The following MOSPD2 variants were observed in gnomAD, a reference collection of about 807,000 sequenced individuals.
The protein encoded by MOSPD2 is motile sperm domain-containing protein 2.
MOSPD2 carries 5 observed loss-of-function variants against 41.7 expected under a neutral mutation model. The ratio of observed to expected loss-of-function variants is 0.12; its 90% confidence interval spans 0.06 to 0.25. The LOEUF (loss-of-function observed/expected upper bound fraction) is 0.25. Ranked by LOEUF, MOSPD2 falls within the 10% of genes least tolerant of loss-of-function variation. MOSPD2 has a pLI of 1.00. For missense variants in MOSPD2, 282 were observed against 375.2 expected, an observed-to-expected ratio of 0.75 and a Z score of 2.05; for synonymous variants, 115 against 126.9, an observed-to-expected ratio of 0.91 and a Z score of 0.63.
intron 6 of MOSPD2, among the ~76,000 whole-genome samples, chrX:14,901,221 A>G (rs191405456): frequency 8.9e-6 from 1 of 111,742 alleles, no homozygotes; most frequent in Non-Finnish European, 1.9e-5. Flanking sequence ...TAAACCTTAT[A>G]TAGTCCATTT....
Position 14,921,353 on chromosome X carries a change from GTCTTAATTTGGGCTTT to G in MOSPD2, c.*1548_*1563del. 1.1e-6 allele frequency: 1 copy of G among 937,051 alleles called. No individual in the cohort carries two copies. 77.2% of individuals were successfully genotyped at this position (937,051 alleles called of 1,213,427 possible). A position where few individuals can be genotyped will look rare whatever the true frequency, so the allele number is the denominator to read the frequency against. Reference sequence around the variant, plus strand: ...TAAAAGGACACTGGTGTGCTACTTTGTCTTAATTTGGGCTTTTCTGTTTCAGTTTGCCACCTCCAGC... The same window carrying G: ...TAAAAGGACACTGGTGTGCTACTTTGTCTGTTTCAGTTTGCCACCTCCAGC... On this transcript the variant is annotated 3_prime_UTR_variant, in exon 15 of 15. Transcript: ENST00000380492.
chrX:14,890,708 A>G (rs950953083), intron 2 of MOSPD2, among the ~76,000 whole-genome samples: 1 of 111,721 alleles, frequency 9.0e-6, no homozygotes, highest in Non-Finnish European at 1.9e-5. Flanking sequence ...CTTAAAGATA[A>G]GGAAATTGAG....
In MOSPD2 at chrX:14,921,076, C is replaced by T; in HGVS notation, c.*1267C>T. ...CACCTTGCAGTAGCAGAGGCAATGA[C>T]ATGAGTTTGTTTTCTCATTAATATG... On this transcript the variant is annotated 3_prime_UTR_variant, in exon 15 of 15. Coordinates refer to ENST00000380492, the MANE Select transcript of MOSPD2 (RefSeq NM_152581.4). The T allele has an allele frequency of 1.3e-6, 1 of 794,542 alleles. No individual in the cohort carries two copies. The highest frequency in any genetic ancestry group is 1.5e-6 in the Non-Finnish European group (1 of 665,762). 65.5% of individuals were successfully genotyped at this position (794,542 alleles called of 1,213,427 possible). A position where few individuals can be genotyped will look rare whatever the true frequency, so the allele number is the denominator to read the frequency against.
At chrX:14,892,609 A>G (rs967498324) in intron 2 of MOSPD2, 114 bp from the exon 3 acceptor site, 30 of 557,221 alleles carry the variant, frequency 5.4e-5, no homozygotes, top group Non-Finnish European at 8.3e-5. Flanking sequence ...CCCTGAGTCT[A>G]TCCTCAAATA....
Position 14,917,746 on chromosome X carries a change from G to A in MOSPD2, c.1317-934G>A, listed in dbSNP as rs1466992620. On this transcript the variant is annotated intron_variant, in intron 13 of 14. Transcript: ENST00000380492. ...TTGAATGAAACCTTCAGGGCTGGGCGCAGTGGCTCACACCTGTAATCCCAA... is the reference window on the plus strand; with the variant it reads ...TTGAATGAAACCTTCAGGGCTGGGCACAGTGGCTCACACCTGTAATCCCAA... Among the ~76,000 whole-genome samples, 4 of 111,918 alleles carry A rather than the reference G, an allele frequency of 3.6e-5. No homozygotes were observed. The East Asian group carries it at 1.1e-3, about 32-fold the overall frequency.
intron 2 of MOSPD2, among the ~76,000 whole-genome samples, chrX:14,891,950 T>G (rs1228014202): frequency 1.8e-5 from 2 of 112,171 alleles, no homozygotes; most frequent in Non-Finnish European, 3.8e-5. Context: ...ATGAAATTTC[T>G]TCATTTTTCA....
chrX:14,915,776 C>A lies in MOSPD2; in HGVS notation c.1186+12C>A, dbSNP rs751452181. The A allele has an allele frequency of 9.4e-6, 11 of 1,175,013 alleles. No homozygotes were observed. The Admixed American group carries it at 2.4e-4, about 26-fold the overall frequency. Reference sequence around the variant, plus strand: ...GTCTCCCCATGGGGGTGAGTTGTCACTTAGTAGCCACAGCAGGTGTTGGGT... The same window carrying A: ...GTCTCCCCATGGGGGTGAGTTGTCAATTAGTAGCCACAGCAGGTGTTGGGT... On this transcript the variant is annotated intron_variant, in intron 12 of 14. Transcript: ENST00000380492.
chrX:14,877,642 A>C (rs1012138531), intron 2 of MOSPD2, among the ~76,000 whole-genome samples: 6 of 103,046 alleles, frequency 5.8e-5, no homozygotes, highest in African/African-American at 2.0e-4. Flanking sequence ...CGCCCGGCCT[A>C]CAGTCTTTTT....
At chrX:14,894,856 T>G (rs1314492164) in intron 3 of MOSPD2, among the ~76,000 whole-genome samples, 1 of 111,439 alleles carries the variant, frequency 9.0e-6, no homozygotes, top group Non-Finnish European at 1.9e-5. Flanking sequence ...AATTGCAGCA[T>G]TTGCCATTAT....
chrX:14,897,024 T>C, intron 4 of MOSPD2, 60 bp from the exon 5 acceptor site: 1 of 872,791 alleles, frequency 1.1e-6, no homozygotes, highest in Non-Finnish European at 1.6e-6. Context: ...AGGCAATATA[T>C]ATGTATAATA....
Position 14,911,309 on chromosome X carries a change from A to G in MOSPD2, c.775A>G (p.Ile259Val), listed in dbSNP as rs1370802848. ...GACCCCACTGTGTGAGAATGGGCCTATTACCAGTGAGGATGAAACTTCAAG... is the reference window on the plus strand; with the variant it reads ...GACCCCACTGTGTGAGAATGGGCCTGTTACCAGTGAGGATGAAACTTCAAG... ...FQTPLCENGP[I>V]TSEDETSSKE... Residue 259 changes from isoleucine (I) to valine (V), a missense_variant, in exon 9 of 15, where the codon ATT (isoleucine) becomes GTT (valine). By Grantham distance (29) the Ile-to-Val change is conservative. This residue lies in a region of MOSPD2 where 187 missense variants were observed against 256.6 expected (regional missense o/e 0.73). Transcript: ENST00000380492. The G allele has an allele frequency of 8.3e-7, 1 of 1,203,060 alleles. No individual in the cohort carries two copies. Among genetic ancestry groups the G allele is most frequent in the Admixed American group, 2.2e-5 (1 of 45,621 alleles).
intron 4 of MOSPD2, among the ~76,000 whole-genome samples, chrX:14,895,852 C>T (rs1199239568): frequency 9.1e-6 from 1 of 110,320 alleles, no homozygotes; most frequent in Non-Finnish European, 1.9e-5. Flanking sequence ...GTTCCAATGA[C>T]TCCCCTGTTA....
intron 2 of MOSPD2, among the ~76,000 whole-genome samples, chrX:14,891,406 C>T (rs1039010703): frequency 9.1e-6 from 1 of 110,283 alleles, no homozygotes; most frequent in African/African-American, 3.3e-5. Context: ...AATAATTATT[C>T]CAAGAAATTA....
Position 14,920,728 on chromosome X carries a change from G to A in MOSPD2, c.*919G>A, listed in dbSNP as rs1332726813. 1.3e-6 allele frequency: 1 copy of A among 750,673 alleles called. No homozygotes were observed. Among genetic ancestry groups the A allele is most frequent in the Non-Finnish European group, 1.6e-6 (1 of 637,766 alleles). The allele number at this position is 750,673 out of a possible 1,213,427, so 61.9% of individuals were successfully genotyped here. A position where few individuals can be genotyped will look rare whatever the true frequency, so the allele number is the denominator to read the frequency against. The stretch of plus-strand genomic sequence containing the variant: ...ACTGTCTCCCTCCTCATTTCTAAAT[G>A]AAAGGTATTAGATATAAATTTTTTT... On this transcript the variant is annotated 3_prime_UTR_variant, in exon 15 of 15. Coordinates refer to ENST00000380492, the MANE Select transcript of MOSPD2 (RefSeq NM_152581.4).
chrX:14,912,168 T>C, intron 9 of MOSPD2, 81 bp from the exon 10 acceptor site: 3 of 533,431 alleles, frequency 5.6e-6, no homozygotes, highest in Non-Finnish European at 2.9e-6. Context: ...ACCTATGTTA[T>C]GTATAATAGT....
chrX:14,877,485 G>A (rs1241872225), intron 2 of MOSPD2, among the ~76,000 whole-genome samples: 1 of 109,599 alleles, frequency 9.1e-6, no homozygotes, highest in Non-Finnish European at 1.9e-5. Flanking sequence ...TGGGATTACA[G>A]GCATGTGCCA....
At chrX:14,874,041 G>A (rs2092514009) in intron 2 of MOSPD2, 5 of 366,012 alleles carry the variant, frequency 1.4e-5, no homozygotes, top group Middle Eastern at 7.8e-4. Flanking sequence ...CAGGATACTT[G>A]TTAGGCCCAC....
chrX:14,915,278 C>T (rs2092598282), intron 11 of MOSPD2, among the ~76,000 whole-genome samples: 1 of 111,968 alleles, frequency 8.9e-6, no homozygotes, highest in Non-Finnish European at 1.9e-5. Flanking sequence ...AAGAGGGAGT[C>T]TGAATGACAA....
rs912958791 is a variant in MOSPD2 at position 14,922,278 on chromosome X, G to A, written c.*2469G>A. On this transcript the variant is annotated 3_prime_UTR_variant, in exon 15 of 15. Coordinates refer to ENST00000380492, the MANE Select transcript of MOSPD2 (RefSeq NM_152581.4). ...AAGAACATGTTTTCTATTTTAATAT[G>A]TTTTAGAAAAATAATTACATTTATG... 1.8e-5 allele frequency: 2 copies of A among 111,329 alleles called. No homozygotes were observed. Among genetic ancestry groups the A allele is most frequent in the Non-Finnish European group, 3.8e-5 (2 of 53,119 alleles). 9.2% of individuals were successfully genotyped at this position (111,329 alleles called of 1,213,427 possible).
Sources: allele counts gnomAD v4.1 joint callset (sites outside exome capture counted in the v4.1 genomes callset), GRCh38; gene constraint gnomAD v4.1.1; regional missense constraint gnomAD v4.1.1; transcripts MANE v1.5; gene names NCBI Gene and HGNC (gene_info 2026-07-23, HGNC 2026-07-21).